Variants in ARHGAP21 observed in about 807,000 individuals in gnomAD.
ARHGAP21 encodes rho GTPase-activating protein 21.
A neutral mutation model predicts 164.6 loss-of-function variants in ARHGAP21; 38 were observed. That is an observed-to-expected ratio of 0.23 (90% confidence interval 0.18 to 0.30). The LOEUF (loss-of-function observed/expected upper bound fraction) is 0.30, where lower values mean the gene tolerates loss of function less well. Among genes scored for constraint, ARHGAP21 ranks in the 10% least tolerant of loss-of-function variants. ARHGAP21 has a pLI of 1.00. For missense variants in ARHGAP21, 1,822 were observed against 2,370.7 expected, an observed-to-expected ratio of 0.77 and a Z score of 4.81; for synonymous variants, 766 against 857.9, an observed-to-expected ratio of 0.89 and a Z score of 1.87.
chr10:24,635,014 T>C lies in ARHGAP21; in HGVS notation c.358A>G (p.Thr120Ala). 1.3e-6 allele frequency: 2 copies of C among 1,582,442 alleles called. No individual in the cohort carries two copies. Among genetic ancestry groups the C allele is most frequent in the East Asian group, 2.3e-5 (1 of 44,406 alleles). Residue 120 changes from threonine to alanine, a missense_variant, in exon 5 of 26, where the codon ACA becomes GCA. By Grantham distance (58) the Thr-to-Ala change is moderately conservative. Around this residue, in one of 5 missense-constraint regions of ARHGAP21, gnomAD observed 1,090 missense variants for 1,378.9 expected, o/e 0.79. Coordinates refer to ENST00000396432, the MANE Select transcript of ARHGAP21 (RefSeq NM_020824.4). ...GGPAFEAGLC[T>A]GDRIIKVNGE... ...GTTTAAAGAAGAATATCAGCACCTG[T>C]ACATAATCCAGCTTCAAAAGCAGGT...
chr10:24,694,372 T>C (rs555346858), intron 2 of ARHGAP21, among the ~76,000 whole-genome samples: 13 of 152,220 alleles, frequency 8.5e-5, no homozygotes, highest in Non-Finnish European at 1.8e-4. Flanking sequence ...TTCAAGACGG[T>C]TCCCGTCATT....
chr10:24,670,466 T>C (rs1840597625), intron 2 of ARHGAP21, 69 bp from the exon 3 acceptor site: 7 of 1,105,018 alleles, frequency 6.3e-6, no homozygotes, highest in Middle Eastern at 5.7e-4. Flanking sequence ...AAAAATTCTA[T>C]GTAAAAATGT....
chr10:24,591,438 T>C, intron 23 of ARHGAP21, 108 bp from the exon 24 acceptor site: 3 of 1,141,766 alleles, frequency 2.6e-6, no homozygotes, highest in South Asian at 2.8e-5. Flanking sequence ...CACCTGTGCT[T>C]AATGTGTTTA....
At position 24,703,634 on chromosome 10, in the gene ARHGAP21, T is replaced by C. The variant is rs558600731; in HGVS notation, c.63+18203A>G. 6.2e-4 allele frequency among the ~76,000 whole-genome samples: 94 copies of C among 152,322 alleles called. 1 individual carries two copies. Among genetic ancestry groups the C allele is most frequent in the Admixed American group, 1.6e-3 (24 of 15,302 alleles). On this transcript the variant is annotated intron_variant, in intron 2 of 25. Coordinates refer to ENST00000396432, the MANE Select transcript of ARHGAP21 (RefSeq NM_020824.4). ...ATGTTACCTTGCAGAATTCTCAGTA[T>C]GCAACCTGAGAAACATGATGGCCAC... is the stretch of plus-strand genomic sequence containing the variant.
intron 9 of ARHGAP21, among the ~76,000 whole-genome samples, chr10:24,612,017 A>G (rs1220410355): frequency 6.6e-6 from 1 of 152,218 alleles, no homozygotes; most frequent in Non-Finnish European, 1.5e-5. Context: ...AGTCCCTTCT[A>G]AGGTGAGCTG....
At chr10:24,635,190 G>T in intron 4 of ARHGAP21, 87 bp from the exon 5 acceptor site, 2 of 815,638 alleles carry the variant, frequency 2.5e-6, no homozygotes, top group South Asian at 2.7e-5. Flanking sequence ...AGAGAATTAA[G>T]CAAAGCTTTT....
At chr10:24,720,657 C>T (rs10741062) in intron 2 of ARHGAP21, among the ~76,000 whole-genome samples, 79,312 of 152,052 alleles carry the variant, frequency 0.52, 20,771 homozygotes, top group Middle Eastern at 0.56. Context: ...CAAGTTTCTC[C>T]GCTTGCTTTA....
At chr10:24,591,765 G>C (rs1331765460) in intron 22 of ARHGAP21, 82 bp from the exon 23 acceptor site, 1 of 1,596,620 alleles carries the variant, frequency 6.3e-7, no homozygotes, top group African/African-American at 1.3e-5. Context: ...TAGAAAAAGG[G>C]TAATTTTCTT....
At chr10:24,685,730 G>C (rs181307099) in intron 2 of ARHGAP21, among the ~76,000 whole-genome samples, 6 of 152,188 alleles carry the variant, frequency 3.9e-5, no homozygotes, top group Non-Finnish European at 8.8e-5. Context: ...ACAAAAATTT[G>C]TCAGGCATGG....
chr10:24,704,080 AG>A (rs1361643216), intron 2 of ARHGAP21, among the ~76,000 whole-genome samples: 1 of 152,108 alleles, frequency 6.6e-6, no homozygotes, highest in Non-Finnish European at 1.5e-5. Flanking sequence ...AATCTCCTAA[AG>A]CCAAATCTCT....
In ARHGAP21 at chr10:24,597,423, T is replaced by C. The variant is rs756896522; in HGVS notation, c.3334+24A>G. The C allele has an allele frequency of 3.1e-6, 5 of 1,601,792 alleles. No homozygotes were observed. In the Admixed American group the frequency reaches 5.3e-5, roughly 17 times the overall value. On this transcript the variant is annotated intron_variant, in intron 16 of 25. Coordinates refer to ENST00000396432, the MANE Select transcript of ARHGAP21 (RefSeq NM_020824.4). ...GCCAATTTTAAATCATTATATTTAT[T>C]TGTTAGAAAGCTAACATCAATACCT...
intron 6 of ARHGAP21, among the ~76,000 whole-genome samples, chr10:24,631,879 C>T (rs935307011): frequency 1.3e-5 from 2 of 152,186 alleles, no homozygotes; most frequent in African/African-American, 4.8e-5. Flanking sequence ...CAGACACACA[C>T]CAGCACGCCC....
At chr10:24,652,251 T>C (rs1565099363) in intron 4 of ARHGAP21, among the ~76,000 whole-genome samples, 1 of 152,232 alleles carries the variant, frequency 6.6e-6, no homozygotes. Flanking sequence ...AGAGAAAGTA[T>C]GGACTTTCCA....
At chr10:24,665,416 G>T (rs944168715) in intron 4 of ARHGAP21, among the ~76,000 whole-genome samples, 3 of 152,122 alleles carry the variant, frequency 2.0e-5, no homozygotes, top group South Asian at 4.2e-4. Context: ...ACAATTTGTG[G>T]TATATTCATA....
chr10:24,604,987 T>C (rs546266342), intron 11 of ARHGAP21, among the ~76,000 whole-genome samples: 1 of 152,254 alleles, frequency 6.6e-6, no homozygotes, highest in East Asian at 1.9e-4. Context: ...TTTTTTAAAC[T>C]CAAAATTCAT....
chr10:24,615,599 G>C (rs1833860801), intron 9 of ARHGAP21, among the ~76,000 whole-genome samples: 1 of 152,120 alleles, frequency 6.6e-6, no homozygotes, highest in Non-Finnish European at 1.5e-5. Flanking sequence ...CAGCCAACAG[G>C]CAATCGGCTC....
At chr10:24,673,186 TATG>T (rs1381633309) in intron 2 of ARHGAP21, among the ~76,000 whole-genome samples, 9 of 152,364 alleles carry the variant, frequency 5.9e-5, no homozygotes, top group South Asian at 2.1e-4. Flanking sequence ...TGCAAGCTGC[TATG>T]ATATTTCTAA....
chr10:24,607,716 C>T (rs751451148), intron 10 of ARHGAP21, 29 bp downstream of exon 10: 184 of 1,611,296 alleles, frequency 1.1e-4, no homozygotes, highest in Non-Finnish European at 1.4e-4. Flanking sequence ...GCATGAGATA[C>T]GGTTTACAAA....
intron 2 of ARHGAP21, among the ~76,000 whole-genome samples, chr10:24,673,996 C>T (rs1840969017): frequency 6.6e-6 from 1 of 152,204 alleles, no homozygotes; most frequent in Non-Finnish European, 1.5e-5. Context: ...GGAACATAAT[C>T]CATTAACAGC....
Sources: gnomAD v4.1 joint callset for allele counts (sites outside exome capture counted in the v4.1 genomes callset) on GRCh38, gnomAD v4.1.1 for gene constraint, gnomAD v4.1.1 regional missense constraint, MANE v1.5 for transcripts, NCBI Gene and HGNC (gene_info 2026-07-23, HGNC 2026-07-21) for gene names.